PCNX1: variants seen among roughly 807,000 people sequenced by gnomAD.
PCNX1 encodes pecanex 1, also known as pecanex-like protein 1.
In PCNX1, 78 loss-of-function variants were observed where a neutral mutation model predicts 242.2. The ratio of observed to expected loss-of-function variants is 0.32; its 90% confidence interval spans 0.27 to 0.39. The LOEUF (loss-of-function observed/expected upper bound fraction) is 0.39, where lower values mean the gene tolerates loss of function less well. PCNX1 is among the 10% of genes least tolerant of loss of function. The probability of loss-of-function intolerance (pLI) is 1.00; values close to 1 mark genes in which losing one functional copy is unlikely to be tolerated. For missense variants in PCNX1, 2,581 were observed against 2,856.5 expected (o/e 0.90, Z 2.20); for synonymous variants, 1,024 against 1,032.9 (o/e 0.99, Z 0.17).
chr14:71,048,897 T>G (rs1051420265), intron 22 of PCNX1: 1 of 256,284 alleles, frequency 3.9e-6, no homozygotes, highest in Non-Finnish European at 6.1e-6. Context: ...TGATAGTCAA[T>G]TTCAGTATTG....
intron 12 of PCNX1, among the ~76,000 whole-genome samples, chr14:71,020,944 G>A (rs1418450701): frequency 6.6e-6 from 1 of 152,276 alleles, no homozygotes; most frequent in South Asian, 2.1e-4. Context: ...TGTATAAGGT[G>A]TAAGGAAGGG....
At chr14:71,067,483 C>G (rs1378658503) in intron 26 of PCNX1, among the ~76,000 whole-genome samples, 2 of 151,826 alleles carry the variant, frequency 1.3e-5, no homozygotes, top group African/African-American at 4.8e-5. Context: ...TTTTTTGTGT[C>G]CATTTGATTC....
intron 2 of PCNX1, among the ~76,000 whole-genome samples, chr14:70,950,041 G>A (rs1260299045): frequency 6.6e-6 from 1 of 152,102 alleles, no homozygotes; most frequent in Admixed American, 6.6e-5. Flanking sequence ...CCTCTCTTAA[G>A]ACAGGTGATA....
Position 70,947,081 on chromosome 14 carries a change from A to G in PCNX1, c.320A>G (p.Gln107Arg). The G allele has an allele frequency of 2.5e-6, 4 of 1,613,280 alleles. No homozygotes were observed. The highest frequency in any genetic ancestry group is 2.5e-6 in the Non-Finnish European group (3 of 1,179,628). ...ACGGATCAGCGAACCAAAGCTGAAC[A>G]AGGCAACTGTTCAACCAGGAGAAAA... ...EFTDQRTKAE[Q>R]GNCSTRRKDS... The change falls in exon 2 of 36, where the codon CAA becomes CGA. Residue 107 changes from glutamine (Q) to arginine (R), a missense_variant. Gln to Arg is a conservative substitution (Grantham distance 43). Transcript: ENST00000304743.
chr14:71,091,874 C>G (rs1331610408), intron 30 of PCNX1, among the ~76,000 whole-genome samples: 3 of 152,178 alleles, frequency 2.0e-5, no homozygotes, highest in African/African-American at 7.2e-5. Flanking sequence ...TGGGAGTATG[C>G]TTAAAACGCC....
In PCNX1 at chr14:71,110,455, T is replaced by C. The variant is rs916504982; in HGVS notation, c.*520T>C. On this transcript the variant is annotated 3_prime_UTR_variant, in exon 36 of 36. Transcript: ENST00000304743. ...ATGAACAGACATAGATTTATCTTAT[T>C]CCTTGAGCGCTAAAAACTTTAATAA... is the stretch of plus-strand genomic sequence containing the variant. 1 of 153,634 alleles carries C rather than the reference T, an allele frequency of 6.5e-6. No homozygotes were observed. The highest frequency in any genetic ancestry group is 1.5e-5 in the Non-Finnish European group (1 of 68,790). The allele number at this position is 153,634 out of a possible 1,614,324, so 9.5% of individuals were successfully genotyped here.
intron 7 of PCNX1, among the ~76,000 whole-genome samples, chr14:70,993,806 G>A (rs1322996306): frequency 1.3e-5 from 2 of 152,138 alleles, no homozygotes; most frequent in Non-Finnish European, 2.9e-5. Flanking sequence ...TTTTTTCTCA[G>A]TATTTTCTTC....
In PCNX1 at chr14:71,006,529, T is replaced by C. The variant is rs559389305; in HGVS notation, c.2630-3105T>C. Among the ~76,000 whole-genome samples, 5 of 152,294 alleles carry C rather than the reference T, an allele frequency of 3.3e-5. No individual in the cohort carries two copies. In the South Asian group the frequency reaches 1.0e-3, roughly 32 times the overall value. ...AAGGACATATTTCTTTGCTCTGCTTTCTACTCTGTTTATTAGAAAAAATTA... is the reference window on the plus strand; with the variant it reads ...AAGGACATATTTCTTTGCTCTGCTTCCTACTCTGTTTATTAGAAAAAATTA... On this transcript the variant is annotated intron_variant, in intron 8 of 35. Transcript: ENST00000304743.
chr14:70,954,677 C>G (rs1010860643), intron 2 of PCNX1, among the ~76,000 whole-genome samples: 5 of 152,054 alleles, frequency 3.3e-5, no homozygotes, highest in Non-Finnish European at 5.9e-5. Context: ...TTATTAAACC[C>G]CCTTATTAAT....
chr14:71,033,307 G>A (rs1003409016), intron 16 of PCNX1, 122 bp from the exon 17 acceptor site: 29 of 558,552 alleles, frequency 5.2e-5, no homozygotes, highest in Admixed American at 2.4e-4. Flanking sequence ...AATTAATAAC[G>A]TGGCTAAAAA....
At chr14:71,097,205 A>G (rs2062313636) in intron 30 of PCNX1, among the ~76,000 whole-genome samples, 2 of 152,028 alleles carry the variant, frequency 1.3e-5, no homozygotes, top group African/African-American at 4.8e-5. Context: ...TCCTTTATCC[A>G]ATTTACCATT....
intron 26 of PCNX1, among the ~76,000 whole-genome samples, chr14:71,059,459 CT>C (rs1439242543): frequency 8.5e-5 from 13 of 152,060 alleles, no homozygotes; most frequent in African/African-American, 3.1e-4. Context: ...TCACAGCTCA[CT>C]ACATCCTCAA....
rs2060905744 is a variant in PCNX1, at chr14:71,047,792, T to G, written c.4161-15T>G. The G allele has an allele frequency of 6.3e-7, 1 of 1,589,510 alleles. No homozygotes were observed. Among genetic ancestry groups the G allele is most frequent in the Admixed American group, 1.8e-5 (1 of 56,496 alleles). ...TTTCAGTCATGAGTTGATTTGTGTT[T>G]TCTTTGTGCCACAGATTAGGTGCTT... On this transcript the variant is annotated splice_polypyrimidine_tract_variant and intron_variant, in intron 21 of 35. Coordinates refer to ENST00000304743, the MANE Select transcript of PCNX1 (RefSeq NM_014982.3).
At chr14:70,951,327 C>A (rs1376111952) in intron 2 of PCNX1, among the ~76,000 whole-genome samples, 2 of 151,706 alleles carry the variant, frequency 1.3e-5, no homozygotes, top group African/African-American at 4.8e-5. Context: ...TTGTGAGTGA[C>A]TCCAGTATTT....
intron 28 of PCNX1, chr14:71,085,974 C>G (rs2061978982): frequency 6.5e-6 from 1 of 153,914 alleles, no homozygotes; most frequent in East Asian, 1.9e-4. Context: ...CTTGATTGTC[C>G]TACAGCTCCC....
intron 26 of PCNX1, among the ~76,000 whole-genome samples, chr14:71,069,530 T>C (rs1566771691): frequency 6.6e-6 from 1 of 152,218 alleles, no homozygotes; most frequent in African/African-American, 2.4e-5. Context: ...CTTGGAGATA[T>C]TGCATGTTGG....
At chr14:71,050,521 C>A (rs934354831) in intron 22 of PCNX1, 131 bp from the exon 23 acceptor site, 10 of 715,642 alleles carry the variant, frequency 1.4e-5, no homozygotes, top group African/African-American at 7.3e-5. Context: ...ATGTAAATGG[C>A]AAATAATTTC....
At chr14:70,983,302 C>A (rs1046701366) in intron 6 of PCNX1, among the ~76,000 whole-genome samples, 3 of 151,910 alleles carry the variant, frequency 2.0e-5, no homozygotes, top group African/African-American at 7.3e-5. Flanking sequence ...CAAAGCTCAG[C>A]TAATAATTTT....
chr14:70,940,320 G>C (rs892990412), intron 1 of PCNX1, among the ~76,000 whole-genome samples: 9 of 151,946 alleles, frequency 5.9e-5, no homozygotes, highest in African/African-American at 2.2e-4. Flanking sequence ...TGTAAGGCAG[G>C]CCTGGTGACA....
Sources: allele counts gnomAD v4.1 joint callset (sites outside exome capture counted in the v4.1 genomes callset), GRCh38; gene constraint gnomAD v4.1.1; transcripts MANE v1.5; gene names NCBI Gene and HGNC (gene_info 2026-07-23, HGNC 2026-07-21).